Variants in LONP2 observed in about 807,000 individuals in gnomAD.
LONP2 encodes lon peptidase 2, peroxisomal.
A neutral mutation model predicts 85.6 loss-of-function variants in LONP2; 60 were observed. That is an observed-to-expected ratio of 0.70 (90% CI 0.57 to 0.87). LONP2 has a LOEUF of 0.87. Among genes scored for constraint, LONP2 ranks in the 40% least tolerant of loss-of-function variants. The pLI is 0.00. For missense variants in LONP2, 860 were observed against 1,063.5 expected (o/e 0.81, Z 2.66); for synonymous variants, 395 against 389.7 (o/e 1.01, Z -0.16).
intron 12 of LONP2, among the ~76,000 whole-genome samples, chr16:48,343,007 A>G: frequency 6.6e-6 from 1 of 152,158 alleles, no homozygotes; most frequent in South Asian, 2.1e-4. Flanking sequence ...ACTCCCACTC[A>G]TATTTTAAGA....
intron 7 of LONP2, among the ~76,000 whole-genome samples, chr16:48,275,231 A>G (rs1406670886): frequency 2.0e-5 from 3 of 152,056 alleles, no homozygotes; most frequent in Admixed American, 1.3e-4. Flanking sequence ...GGTTGACACT[A>G]TTTTCCCCAT....
chr16:48,301,854 G>T (rs1363564884), intron 10 of LONP2, among the ~76,000 whole-genome samples: 1 of 152,160 alleles, frequency 6.6e-6, no homozygotes, highest in Admixed American at 6.5e-5. Context: ...CACACTAAGT[G>T]TTCTCTTCTT....
intron 11 of LONP2, among the ~76,000 whole-genome samples, chr16:48,305,009 T>A (rs1972883596): frequency 6.6e-6 from 1 of 152,192 alleles, no homozygotes; most frequent in Admixed American, 6.5e-5. Flanking sequence ...CTGAACACAG[T>A]GCATTTTACA....
intron 6 of LONP2, among the ~76,000 whole-genome samples, chr16:48,268,513 G>A (rs1437066730): frequency 6.6e-6 from 1 of 151,926 alleles, no homozygotes; most frequent in Non-Finnish European, 1.5e-5. Context: ...AATCCCACTG[G>A]GACTTAGTAT....
chr16:48,320,130 A>G (rs1196499683), intron 11 of LONP2, among the ~76,000 whole-genome samples: 3 of 148,210 alleles, frequency 2.0e-5, no homozygotes, highest in African/African-American at 7.5e-5. Context: ...ACTGCACTCT[A>G]GCCTGGGCAG....
At chr16:48,267,132 A>C (rs529470024) in intron 6 of LONP2, among the ~76,000 whole-genome samples, 1 of 152,182 alleles carries the variant, frequency 6.6e-6, no homozygotes, top group Non-Finnish European at 1.5e-5. Context: ...TGTAGCAGCC[A>C]TGTATCCATC....
chr16:48,270,027 AT>A lies in LONP2; in HGVS notation c.996del (p.Arg333GlyfsTer17). On this transcript the variant is annotated frameshift_variant, in exon 7 of 15. Coordinates refer to ENST00000285737, the MANE Select transcript of LONP2 (RefSeq NM_031490.5). LOFTEE classifies it high-confidence loss of function. ...WNKSTTDRLDIRAARILLDND... is the reference protein window; with the variant it reads ...WNKSTTDRLDXRAARILLDND... ...GGGTTATTTGACAGACCGCCTGGAC[AT>A]TAGGGCAGCCCGGATTCTTCTGGAT... 6.2e-7 allele frequency: 1 copy of A among 1,613,672 alleles called. No individual in the cohort carries two copies. Among genetic ancestry groups the A allele is most frequent in the Non-Finnish European group, 8.5e-7 (1 of 1,179,768 alleles).
intron 1 of LONP2, among the ~76,000 whole-genome samples, chr16:48,248,079 A>C (rs548264483): frequency 6.6e-6 from 1 of 152,146 alleles, no homozygotes; most frequent in East Asian, 1.9e-4. Flanking sequence ...TATTTCTTAA[A>C]TTTATTTCTA....
chr16:48,265,220 A>C (rs890903335), intron 6 of LONP2, among the ~76,000 whole-genome samples: 1 of 152,070 alleles, frequency 6.6e-6, no homozygotes, highest in Non-Finnish European at 1.5e-5. Flanking sequence ...TTTCAGTTTG[A>C]TATAATTTCA....
At chr16:48,274,575 A>G (rs537532045) in intron 7 of LONP2, among the ~76,000 whole-genome samples, 219 of 152,020 alleles carry the variant, frequency 1.4e-3, no homozygotes, top group African/African-American at 5.0e-3. Context: ...CAGTTTCTTA[A>G]AGACTGTTTT....
intron 11 of LONP2, among the ~76,000 whole-genome samples, chr16:48,321,397 GC>G (rs1973261315): frequency 6.6e-6 from 1 of 152,180 alleles, no homozygotes; most frequent in Non-Finnish European, 1.5e-5. Flanking sequence ...AAACAGGGGT[GC>G]AAACTTTCTT....
intron 5 of LONP2, 78 bp from the exon 6 acceptor site, chr16:48,262,700 G>A (rs1971903084): frequency 1.2e-6 from 1 of 856,542 alleles, no homozygotes; most frequent in African/African-American, 1.7e-5. Flanking sequence ...AACCAAGAAA[G>A]AGAGCTGTGT....
chr16:48,250,447 G>A lies in LONP2; in HGVS notation c.234-1684G>A, dbSNP rs143909132. On this transcript the variant is annotated intron_variant, in intron 1 of 14. Coordinates refer to ENST00000285737, the MANE Select transcript of LONP2 (RefSeq NM_031490.5). ...CAGTGAGCCAAGATTAGGCTACTGC[G>A]CTCCAGCCTGGTGACAAAGTGAGAC... Among the ~76,000 whole-genome samples, 666 of 151,324 alleles carry A rather than the reference G, an allele frequency of 4.4e-3. 3 individuals carry two copies. Among genetic ancestry groups the A allele is most frequent in the Middle Eastern group, 0.024 (7 of 294 alleles).
rs1237663704 is a variant in LONP2 at position 48,288,257 on chromosome 16, G to A, written c.1384-7758G>A. Among the ~76,000 whole-genome samples, 5 of 149,710 alleles carry A rather than the reference G, an allele frequency of 3.3e-5. 1 individual carries two copies. The highest frequency in any genetic ancestry group is 4.2e-4 in the South Asian group (2 of 4,748). On this transcript the variant is annotated intron_variant, in intron 8 of 14. Coordinates refer to ENST00000285737, the MANE Select transcript of LONP2 (RefSeq NM_031490.5). The stretch of plus-strand genomic sequence containing the variant: ...CAACCTCTGCCTCCCAGGTTCAAGC[G>A]ATTCTCCTGCCTCAGTCTCCTGAGT...
At position 48,348,803 on chromosome 16, in the gene LONP2, C is replaced by T. The variant is rs574949045; in HGVS notation, c.2337+513C>T. 2.6e-5 allele frequency among the ~76,000 whole-genome samples: 4 copies of T among 152,198 alleles called. No individual in the cohort carries two copies. The East Asian group carries it at 7.7e-4, about 29-fold the overall frequency. On this transcript the variant is annotated intron_variant, in intron 14 of 14. Coordinates refer to ENST00000285737, the MANE Select transcript of LONP2 (RefSeq NM_031490.5). ...GCCACCACATTCAGCCCACGTTTCC[C>T]ATTCTAAGATTTGCTAAGGGAAAAA... is the stretch of plus-strand genomic sequence containing the variant.
At chr16:48,251,848 C>G (rs1567307381) in intron 1 of LONP2, among the ~76,000 whole-genome samples, 1 of 152,152 alleles carries the variant, frequency 6.6e-6, no homozygotes, top group Non-Finnish European at 1.5e-5. Context: ...AGCTGCTTTT[C>G]TCTTACATTT....
At chr16:48,336,617 C>T (rs555931673) in intron 12 of LONP2, 13 of 347,782 alleles carry the variant, frequency 3.7e-5, no homozygotes, top group Admixed American at 7.2e-5. Context: ...CTGGCAGGGG[C>T]GGGGGTCACA....
chr16:48,311,529 C>T (rs977774176), intron 11 of LONP2, among the ~76,000 whole-genome samples: 5 of 151,806 alleles, frequency 3.3e-5, no homozygotes, highest in African/African-American at 1.2e-4. Flanking sequence ...TTTTAAAATA[C>T]CTATCTCTTT....
At chr16:48,306,469 C>G (rs1017786840) in intron 11 of LONP2, among the ~76,000 whole-genome samples, 5 of 152,136 alleles carry the variant, frequency 3.3e-5, no homozygotes, top group African/African-American at 1.2e-4. Flanking sequence ...AAAGTGATCA[C>G]AGGACATCTC....
Sources: gnomAD v4.1 joint callset for allele counts (sites outside exome capture counted in the v4.1 genomes callset) on GRCh38, gnomAD v4.1.1 for gene constraint, MANE v1.5 for transcripts, NCBI Gene and HGNC (gene_info 2026-07-23, HGNC 2026-07-21) for gene names.